Variants in GSK3A observed in about 807,000 individuals in gnomAD.
GSK3A encodes glycogen synthase kinase 3 alpha.
Under a neutral mutation model 56.6 loss-of-function variants are expected in GSK3A, and 14 were observed. The ratio of observed to expected loss-of-function variants is 0.25; its 90% confidence interval spans 0.16 to 0.39. The LOEUF (loss-of-function observed/expected upper bound fraction) is 0.39. Among genes scored for constraint, GSK3A ranks in the 10% least tolerant of loss-of-function variants. GSK3A has a pLI of 1.00. For missense variants in GSK3A, 450 were observed against 656.0 expected (o/e 0.69, Z 3.43); for synonymous variants, 301 against 285.0 (o/e 1.06, Z -0.56).
intron 8 of GSK3A, 96 bp from the exon 9 acceptor site, chr19:42,232,778 C>A: frequency 9.5e-7 from 1 of 1,049,242 alleles, no homozygotes. Flanking sequence ...CAAGTTATGA[C>A]TGGTTGCTTC....
chr19:42,233,262 G>GGGC, intron 7 of GSK3A, 24 bp downstream of exon 7: 4 of 1,077,546 alleles, frequency 3.7e-6, no homozygotes, highest in Non-Finnish European at 5.5e-6. Flanking sequence ...CCCACCCCCT[G>GGGC]CCCAGCCCAG....
intron 1 of GSK3A, chr19:42,240,354 C>T (rs1337995026): frequency 3.2e-5 from 19 of 599,858 alleles, no homozygotes; most frequent in Middle Eastern, 4.4e-4. Flanking sequence ...CTCCCCTCCA[C>T]ATAGGAGGAT....
intron 6 of GSK3A, 68 bp from the exon 7 acceptor site, chr19:42,233,451 C>A: frequency 9.7e-7 from 1 of 1,031,840 alleles, no homozygotes; most frequent in South Asian, 1.4e-5. Context: ...TGCTTTTATT[C>A]CTCATGGCCA....
intron 9 of GSK3A, 37 bp downstream of exon 9, chr19:42,232,459 C>G: frequency 6.3e-7 from 1 of 1,597,938 alleles, no homozygotes; most frequent in Non-Finnish European, 8.6e-7. Flanking sequence ...GCCCCCCTAC[C>G]CCGCCCCACT....
At chr19:42,241,476 G>A (rs1298110363) in intron 1 of GSK3A, 2 of 152,120 alleles carry the variant, frequency 1.3e-5, no homozygotes, top group South Asian at 2.1e-4. Context: ...TTTGTTAAAG[G>A]AGACACACCA....
Position 42,232,621 on chromosome 19 carries a change from G to T in GSK3A, c.1160C>A (p.Thr387Asn). 6.2e-7 allele frequency: 1 copy of T among 1,613,308 alleles called. No homozygotes were observed. Among genetic ancestry groups the T allele is most frequent in the Non-Finnish European group, 8.5e-7 (1 of 1,179,524 alleles). ...IALCSSLLEY[T>N]PSSRLSPLEA... ...TAGTGGGGAGAGCCTTGAGGATGGG[G>T]TGTACTCCAGCAGGCTAGAGCAGAG... Residue 387 changes from threonine (T) to asparagine (N), a missense_variant, in exon 9 of 11, where the codon ACC becomes AAC. Around this residue, in one of 3 missense-constraint regions of GSK3A, gnomAD observed 113 missense variants for 147.5 expected, o/e 0.77. Transcript: ENST00000222330.
intron 2 of GSK3A, among the ~76,000 whole-genome samples, chr19:42,239,402 C>T (rs950321399): frequency 1.3e-5 from 2 of 152,322 alleles, no homozygotes; most frequent in African/African-American, 2.4e-5. Context: ...ACTTCCACTT[C>T]CTCCATCTCC....
intron 6 of GSK3A, 41 bp from the exon 7 acceptor site, chr19:42,233,424 G>A (rs1348357226): frequency 1.5e-6 from 2 of 1,305,444 alleles, no homozygotes; most frequent in African/African-American, 1.5e-5. Context: ...AGGCGAGTAG[G>A]GCCACCAACC....
At chr19:42,233,552 C>T (rs2146936349) in intron 6 of GSK3A, among the ~76,000 whole-genome samples, 169 bp from the exon 7 acceptor site, 1 of 152,314 alleles carries the variant, frequency 6.6e-6, no homozygotes, top group African/African-American at 2.4e-5. Context: ...CGACCTTGAC[C>T]CTGCCTTTGC....
intron 4 of GSK3A, among the ~76,000 whole-genome samples, chr19:42,236,202 CCTAA>C (rs1203708327): frequency 3.3e-5 from 5 of 152,208 alleles, no homozygotes; most frequent in African/African-American, 1.2e-4. Flanking sequence ...TTCCTCCAGC[CCTAA>C]CTCCTTCCCA....
chr19:42,241,984 T>A, intron 1 of GSK3A, 199 bp downstream of exon 1: 1 of 422,906 alleles, frequency 2.4e-6, no homozygotes, highest in South Asian at 1.1e-4. Context: ...TTAGTAATTC[T>A]GATCCACGAG....
intron 7 of GSK3A, 32 bp from the exon 8 acceptor site, chr19:42,233,237 G>GC (rs1437632079): frequency 6.3e-7 from 1 of 1,589,364 alleles, no homozygotes; most frequent in Non-Finnish European, 8.6e-7. Context: ...TGAGACAAGG[G>GC]CCCCATCCCT....
chr19:42,237,638 G>A (rs2036265626), intron 2 of GSK3A, among the ~76,000 whole-genome samples: 1 of 151,390 alleles, frequency 6.6e-6, no homozygotes, highest in Non-Finnish European at 1.5e-5. Flanking sequence ...AGCACTTTGG[G>A]AGGCTGAGGT....
intron 7 of GSK3A, 25 bp downstream of exon 7, chr19:42,233,250 GCCCCACCCCCT>G (rs2036235941): frequency 6.4e-7 from 1 of 1,564,304 alleles, no homozygotes; most frequent in African/African-American, 1.4e-5. Context: ...CCATCCCTCA[GCCCCACCCCCT>G]GCCCAGCCCA....
chr19:42,230,844 A>T lies in GSK3A; in HGVS notation c.1402T>A (p.Ser468Thr). The T allele has an allele frequency of 6.4e-7, 1 of 1,561,604 alleles. No individual in the cohort carries two copies. The highest frequency in any genetic ancestry group is 8.7e-7 in the Non-Finnish European group (1 of 1,152,464). ...SQALTETPTSSDWQSTDATPT... is the reference protein window; with the variant it reads ...SQALTETPTSTDWQSTDATPT... ...GTGGCATCGGTCGACTGCCAGTCTG[A>T]GCTGGTCGGAGTCTCAGTTAAAGCT... Residue 468 changes from serine (S) to threonine (T), a missense_variant, in exon 11 of 11, where the codon TCA (serine) becomes ACA (threonine). Physicochemically the swap from Ser to Thr is moderately conservative, Grantham distance 58. This residue lies in a region of GSK3A where 113 missense variants were observed against 147.5 expected (regional missense o/e 0.77). Coordinates refer to ENST00000222330, the MANE Select transcript of GSK3A (RefSeq NM_019884.3).
intron 8 of GSK3A, chr19:42,232,884 T>C (rs2036233451): frequency 1.7e-6 from 1 of 580,632 alleles, no homozygotes; most frequent in African/African-American, 1.9e-5. Flanking sequence ...TCTGGGACTA[T>C]ATGAGCCCTG....
intron 10 of GSK3A, among the ~76,000 whole-genome samples, chr19:42,231,178 G>T (rs980622499): frequency 6.6e-6 from 1 of 152,022 alleles, no homozygotes; most frequent in Admixed American, 6.6e-5. Context: ...TGGCCAACAT[G>T]GTGAAACTCC....
chr19:42,230,929 C>T (rs909180433), intron 10 of GSK3A, 62 bp from the exon 11 acceptor site: 1 of 1,067,216 alleles, frequency 9.4e-7, no homozygotes, highest in Non-Finnish European at 1.4e-6. Flanking sequence ...CTTCGCCCAA[C>T]CCAAAAGTAG....
At chr19:42,241,554 T>C (rs959232778) in intron 1 of GSK3A, 1 of 152,210 alleles carries the variant, frequency 6.6e-6, no homozygotes, top group South Asian at 2.1e-4. Flanking sequence ...AATGTCTTTA[T>C]ATCTAAAAGG....
Sources: gnomAD v4.1 joint callset for allele counts (sites outside exome capture counted in the v4.1 genomes callset) on GRCh38, gnomAD v4.1.1 for gene constraint, gnomAD v4.1.1 regional missense constraint, MANE v1.5 for transcripts, NCBI Gene and HGNC (gene_info 2026-07-23, HGNC 2026-07-21) for gene names.